Variants in CDYL2 observed in about 807,000 individuals in gnomAD.
CDYL2 encodes chromodomain Y-like protein 2.
Under a neutral mutation model 49.4 loss-of-function variants are expected in CDYL2, and 23 were observed. The observed-to-expected ratio is 0.47, with a 90% CI of 0.34 to 0.66. The LOEUF (loss-of-function observed/expected upper bound fraction) is 0.66. CDYL2 is among the 30% of genes least tolerant of loss of function. CDYL2 has a pLI of 0.01. For synonymous variants in CDYL2, 360 were observed against 268.8 expected (o/e 1.34, Z -3.32); for missense variants, 678 against 656.4 (o/e 1.03, Z -0.36).
At chr16:80,803,240 G>T (rs149234971) in intron 1 of CDYL2, among the ~76,000 whole-genome samples, 35 of 152,326 alleles carry the variant, frequency 2.3e-4, no homozygotes, top group African/African-American at 8.4e-4. Context: ...TTTGAAAGAT[G>T]CCAGACTAAT....
chr16:80,670,786 G>C (rs933666923), intron 2 of CDYL2, among the ~76,000 whole-genome samples: 1 of 152,108 alleles, frequency 6.6e-6, no homozygotes, highest in Non-Finnish European at 1.5e-5. Context: ...AGTGTGAATC[G>C]AGGCCTCGAG....
In CDYL2 at chr16:80,612,056, G is replaced by A. The variant is rs76055877; in HGVS notation, c.1218+570C>T. Reference sequence around the variant, plus strand: ...CCCTCTTCTTGCTGGACATGCGCTGGGCTGCGTCTCCCGGCCTCCCTTGCA... The same window carrying A: ...CCCTCTTCTTGCTGGACATGCGCTGAGCTGCGTCTCCCGGCCTCCCTTGCA... On this transcript the variant is annotated intron_variant, in intron 5 of 6. Transcript: ENST00000570137. This position sits in a 1 kb window ranked among gnomAD's most constrained non-coding sequence, Gnocchi z 5.0. Among the ~76,000 whole-genome samples the A allele has an allele frequency of 0.021, 3,265 of 152,312 alleles. 112 individuals carry two copies. The highest frequency in any genetic ancestry group is 0.074 in the African/African-American group (3,058 of 41,566).
At position 80,604,409 on chromosome 16, in the gene CDYL2, C is replaced by T. The variant is rs1168990771; in HGVS notation, c.1500G>A (p.Gln500=). Residue 500 remains glutamine, a synonymous_variant, in exon 7 of 7, where the codon CAG becomes CAA. Transcript: ENST00000570137. ...KGLDSLFSYL[Q]DKIYEV is the part of the protein sequence containing the mutation. ...CCCCTCAGACTTCATAAATTTTGTC[C>T]TGCAGGTAGCTGAAAAGGGAGTCAA... 1.2e-6 allele frequency: 2 copies of T among 1,614,130 alleles called. No individual in the cohort carries two copies. Among genetic ancestry groups the T allele is most frequent in the Non-Finnish European group, 1.7e-6 (2 of 1,179,992 alleles).
chr16:80,690,465 T>G (rs1277377633), intron 1 of CDYL2, among the ~76,000 whole-genome samples: 2 of 152,142 alleles, frequency 1.3e-5, no homozygotes, highest in Non-Finnish European at 2.9e-5. Context: ...ATACATTAAC[T>G]CTCCAAAATA....
intron 3 of CDYL2, among the ~76,000 whole-genome samples, chr16:80,629,861 C>T (rs750052292): frequency 1.1e-4 from 16 of 152,202 alleles, no homozygotes; most frequent in Non-Finnish European, 2.1e-4. Context: ...CTCTGCTTCC[C>T]ATTAACAATG....
intron 1 of CDYL2, among the ~76,000 whole-genome samples, chr16:80,769,822 C>G (rs1218923054): frequency 1.3e-5 from 2 of 152,162 alleles, no homozygotes; most frequent in Non-Finnish European, 2.9e-5. Context: ...TCAGATTATT[C>G]ATTTCCTAGT....
intron 1 of CDYL2, among the ~76,000 whole-genome samples, chr16:80,705,254 T>G (rs1472034673): frequency 6.6e-6 from 1 of 152,192 alleles, no homozygotes. Context: ...TTTGCAGTCT[T>G]CCACAGGTAA....
intron 2 of CDYL2, among the ~76,000 whole-genome samples, chr16:80,641,999 C>G (rs1411246017): frequency 6.6e-6 from 1 of 151,528 alleles, no homozygotes; most frequent in Admixed American, 6.6e-5. Flanking sequence ...AACATTGTAA[C>G]TGTGGGATGT....
intron 5 of CDYL2, among the ~76,000 whole-genome samples, chr16:80,608,792 AAGAG>A (rs138978334): frequency 1.3e-5 from 2 of 150,860 alleles, no homozygotes; most frequent in Non-Finnish European, 3.0e-5. Flanking sequence ...GAAATAGGGG[AAGAG>A]AGAGAGAGAG....
At chr16:80,642,259 G>C (rs4889185) in intron 2 of CDYL2, among the ~76,000 whole-genome samples, 1 of 152,050 alleles carries the variant, frequency 6.6e-6, no homozygotes, top group East Asian at 1.9e-4. Flanking sequence ...ACTGGCCAAA[G>C]TGATGAAACC....
intron 1 of CDYL2, among the ~76,000 whole-genome samples, chr16:80,780,993 T>A (rs1173236832): frequency 6.6e-6 from 1 of 152,216 alleles, no homozygotes; most frequent in Non-Finnish European, 1.5e-5. Context: ...CCCTATTTCA[T>A]GACCGATACT....
chr16:80,682,706 C>T (rs367903274), intron 2 of CDYL2, among the ~76,000 whole-genome samples: 25 of 152,162 alleles, frequency 1.6e-4, no homozygotes, highest in African/African-American at 5.8e-4. Context: ...ACCCAAAGGG[C>T]CACAAAATCT....
intron 1 of CDYL2, among the ~76,000 whole-genome samples, chr16:80,717,602 A>C (rs1199223726): frequency 1.3e-5 from 2 of 152,170 alleles, no homozygotes; most frequent in Non-Finnish European, 2.9e-5. Context: ...TGGAGACTGA[A>C]CCAGACACCT....
intron 1 of CDYL2, among the ~76,000 whole-genome samples, chr16:80,743,281 A>G (rs1213234893): frequency 2.0e-5 from 3 of 152,360 alleles, no homozygotes; most frequent in East Asian, 1.9e-4. Context: ...AAGCGCAGAC[A>G]TTGTGAGGGA....
chr16:80,802,454 A>G (rs1175655514), intron 1 of CDYL2, among the ~76,000 whole-genome samples: 1 of 152,216 alleles, frequency 6.6e-6, no homozygotes, highest in Non-Finnish European at 1.5e-5. Flanking sequence ...TCAATTTTCA[A>G]TTTCAGAAAT....
rs552029567 is a variant in CDYL2, at chr16:80,647,783, C to A, written c.617-14547G>T. On this transcript the variant is annotated intron_variant, in intron 2 of 6. Coordinates refer to ENST00000570137, the MANE Select transcript of CDYL2 (RefSeq NM_152342.4). Reference sequence around the variant, plus strand: ...CTAGGACAGGCTACATTTTAATTCACAAAACAAGTCTTAAAACATTAATAA... The same window carrying A: ...CTAGGACAGGCTACATTTTAATTCAAAAAACAAGTCTTAAAACATTAATAA... 3.9e-5 allele frequency among the ~76,000 whole-genome samples: 6 copies of A among 152,272 alleles called. 1 individual carries two copies. The highest frequency in any genetic ancestry group is 2.1e-4 in the South Asian group (1 of 4,830).
rs146737678 is a variant in CDYL2, at chr16:80,717,542, G to A, written c.25-32413C>T. 3.5e-3 allele frequency among the ~76,000 whole-genome samples: 538 copies of A among 152,272 alleles called. 5 individuals carry two copies. Among genetic ancestry groups the A allele is most frequent in the African/African-American group, 0.012 (511 of 41,558 alleles). On this transcript the variant is annotated intron_variant, in intron 1 of 6. Coordinates refer to ENST00000570137, the MANE Select transcript of CDYL2 (RefSeq NM_152342.4). ...CTTCCAAAGATTTCACTAGGGTGAA[G>A]ACTGCTTTACCTCTTTAGGAACCAT...
At chr16:80,626,562 TGGGG>T (rs1213050609) in intron 3 of CDYL2, among the ~76,000 whole-genome samples, 3 of 152,122 alleles carry the variant, frequency 2.0e-5, no homozygotes, top group African/African-American at 7.2e-5. Flanking sequence ...TTATAATGAA[TGGGG>T]AGGAGGATAA....
intron 1 of CDYL2, among the ~76,000 whole-genome samples, chr16:80,800,720 T>C (rs998799863): frequency 6.6e-6 from 1 of 151,574 alleles, no homozygotes; most frequent in Non-Finnish European, 1.5e-5. Flanking sequence ...ACAACGAAGG[T>C]CACACAAGGG....
Sources: allele counts gnomAD v4.1 joint callset (sites outside exome capture counted in the v4.1 genomes callset), GRCh38; gene constraint gnomAD v4.1.1; non-coding constraint Gnocchi (gnomAD v3.1); transcripts MANE v1.5; gene names NCBI Gene and HGNC (gene_info 2026-07-23, HGNC 2026-07-21).